C4B: variants seen among roughly 807,000 people sequenced by gnomAD.
The protein encoded by C4B is complement C4B (Chido/Rodgers blood group), also known as complement C4-B.
Under a neutral mutation model 46.2 loss-of-function variants are expected in C4B, and 6 were observed. That is an observed-to-expected ratio of 0.13 (90% confidence interval 0.07 to 0.26). C4B has a LOEUF of 0.26. Ranked by LOEUF, C4B falls within the 10% of genes least tolerant of loss-of-function variation. The probability of loss-of-function intolerance (pLI) is 1.00; values close to 1 mark genes in which losing one functional copy is unlikely to be tolerated. For synonymous variants in C4B, 61 were observed against 240.1 expected (o/e 0.25, Z 6.90); for missense variants, 119 against 560.9 (o/e 0.21, Z 7.96).
In C4B at chr6:32,028,996, A is replaced by G. The variant is rs781626894; in HGVS notation, c.3439A>G (p.Ile1147Val). The G allele has an allele frequency of 3.7e-4, 572 of 1,552,536 alleles. 54 individuals are homozygous for G. Among genetic ancestry groups the G allele is most frequent in the Non-Finnish European group, 4.7e-4 (531 of 1,134,298 alleles). Reference protein sequence around the residue: ...ETVALTAFVTIALHHGLAVFQ... With the variant: ...ETVALTAFVTVALHHGLAVFQ... ...TGTGGCACTCACAGCCTTTGTGACC[A>G]TCGCCCTTCATCATGGGCTGGCCGT... Residue 1147 changes from isoleucine to valine, a missense_variant, in exon 27 of 41, where the codon ATC becomes GTC. Ile to Val is a conservative substitution (Grantham distance 29). Coordinates refer to ENST00000435363, the MANE Select transcript of C4B (RefSeq NM_001002029.4).
At chr6:32,028,896 C>T (rs1426198222) in intron 26 of C4B, 47 bp downstream of exon 26, 1 of 1,566,036 alleles carries the variant, frequency 6.4e-7, no homozygotes, top group South Asian at 1.1e-5. Flanking sequence ...TCGGAGGACT[C>T]TCTTTGCCCC....
rs1224496334 is a variant in C4B at position 32,029,338 on chromosome 6, G to A, written c.3676G>A (p.Asp1226Asn). 1 of 1,537,154 alleles carries A rather than the reference G, an allele frequency of 6.5e-7. No individual in the cohort carries two copies. The highest frequency in any genetic ancestry group is 1.4e-5 in the African/African-American group (1 of 70,632). ...CATGGCAATGGCCCAGGAGACTGGA[G>A]GTGAGGGGTGAGGGGCTCTGGCAGT... ...NLMAMAQETGDNLYWGSVTGS... is the reference protein window; with the variant it reads ...NLMAMAQETGNNLYWGSVTGS... The change falls in exon 28 of 41, where the codon GAT becomes AAT. Residue 1226 changes from aspartate to asparagine, a missense_variant and splice_region_variant. Coordinates refer to ENST00000435363, the MANE Select transcript of C4B (RefSeq NM_001002029.4).
Position 32,029,203 on chromosome 6 carries a change from G to A in C4B, c.3541G>A (p.Glu1181Lys), listed in dbSNP as rs377040792. 9 of 1,591,892 alleles carry A rather than the reference G, an allele frequency of 5.7e-6. No homozygotes were observed. The highest frequency in any genetic ancestry group is 2.2e-5 in the East Asian group (1 of 44,642). Residue 1181 changes from glutamate to lysine, a missense_variant, in exon 28 of 41, where the codon GAG becomes AAG. Coordinates refer to ENST00000435363, the MANE Select transcript of C4B (RefSeq NM_001002029.4). ...SISKASSFLGEKASAGLLGAH... is the reference protein window; with the variant it reads ...SISKASSFLGKKASAGLLGAH... ...CTCAAAGGCAAGCTCATTTTTGGGGGAGAAAGCAAGTGCTGGGCTCCTGGG... is the reference window on the plus strand; with the variant it reads ...CTCAAAGGCAAGCTCATTTTTGGGGAAGAAAGCAAGTGCTGGGCTCCTGGG...
intron 27 of C4B, 27 bp downstream of exon 27, chr6:32,029,088 T>C (rs1775744577): frequency 6.4e-7 from 1 of 1,570,408 alleles, no homozygotes. Flanking sequence ...TTCTGCCCTC[T>C]GCTGGCCCCC....
At chr6:32,028,902 G>A in intron 26 of C4B, 43 bp from the exon 27 acceptor site, 1 of 1,565,480 alleles carries the variant, frequency 6.4e-7, no homozygotes, top group East Asian at 2.3e-5. Flanking sequence ...GACTCTCTTT[G>A]CCCCTTCCCC....
In C4B at chr6:32,029,272, A is replaced by G; in HGVS notation, c.3610A>G (p.Lys1204Glu). The change falls in exon 28 of 41, where the codon AAG becomes GAG. Residue 1204 changes from lysine (K) to glutamate (E), a missense_variant. Transcript: ENST00000435363. ...CACGGCCTATGCCCTGACACTGACC[A>G]AGGCCCCTGCGGACCTGCGGGGTGT... ...AITAYALTLT[K>E]APADLRGVAH... The G allele has an allele frequency of 6.4e-7, 1 of 1,567,428 alleles. No homozygotes were observed. The highest frequency in any genetic ancestry group is 8.7e-7 in the Non-Finnish European group (1 of 1,146,392).
At position 32,029,245 on chromosome 6, in the gene C4B, A is replaced by C; in HGVS notation, c.3583A>C (p.Ile1195Leu). Residue 1195 changes from isoleucine (I) to leucine (L), a missense_variant, in exon 28 of 41, where the codon ATC becomes CTC. By Grantham distance (5) the Ile-to-Leu change is conservative (BLOSUM62 2). Coordinates refer to ENST00000435363, the MANE Select transcript of C4B (RefSeq NM_001002029.4). Reference protein sequence around the residue: ...AGLLGAHAAAITAYALTLTKA... With the variant: ...AGLLGAHAAALTAYALTLTKA... ...GCTCCTGGGTGCCCACGCAGCTGCCATCACGGCCTATGCCCTGACACTGAC... is the reference window on the plus strand; with the variant it reads ...GCTCCTGGGTGCCCACGCAGCTGCCCTCACGGCCTATGCCCTGACACTGAC... The C allele has an allele frequency of 6.3e-7, 1 of 1,588,344 alleles. No homozygotes were observed. The highest frequency in any genetic ancestry group is 8.6e-7 in the Non-Finnish European group (1 of 1,160,922).
rs1362041232 is a variant in C4B, at chr6:32,029,372, G to A, written c.3676+34G>A. 8 of 1,541,926 alleles carry A rather than the reference G, an allele frequency of 5.2e-6. 1 individual carries two copies. In the Middle Eastern group the frequency reaches 5.1e-4, roughly 99 times the overall value. On this transcript the variant is annotated intron_variant, in intron 28 of 40. Transcript: ENST00000435363. Reference sequence around the variant, plus strand: ...TGAGGGGCTCTGGCAGTGAGCCTGAGGCCCAGGGGACCTTAGGATCCCTGA... The same window carrying A: ...TGAGGGGCTCTGGCAGTGAGCCTGAAGCCCAGGGGACCTTAGGATCCCTGA...
Position 32,028,880 on chromosome 6 carries a change from C to T in C4B, c.3387+31C>T, listed in dbSNP as rs760544899. The T allele has an allele frequency of 1.2e-5, 18 of 1,564,872 alleles. No individual in the cohort carries two copies. The Admixed American group carries it at 2.0e-4, about 18-fold the overall frequency. On this transcript the variant is annotated intron_variant, in intron 26 of 40. Coordinates refer to ENST00000435363, the MANE Select transcript of C4B (RefSeq NM_001002029.4). ...GGCATGCTGGGGCTGGCCCGAGAAGCGCCTGTCGGAGGACTCTCTTTGCCC... is the reference window on the plus strand; with the variant it reads ...GGCATGCTGGGGCTGGCCCGAGAAGTGCCTGTCGGAGGACTCTCTTTGCCC...
chr6:32,029,431 A>T (rs1181065664), intron 28 of C4B, 93 bp downstream of exon 28: 1 of 1,526,618 alleles, frequency 6.6e-7, no homozygotes, highest in African/African-American at 1.4e-5. Context: ...ATGAAGACTC[A>T]GAGGAGGAAT....
Position 32,028,847 on chromosome 6 carries a change from C to A in C4B, c.3385C>A (p.Gln1129Lys), listed in dbSNP as rs1286098216. ...DLSPVIHRSM[Q>K]GGLVGNDETV... The stretch of plus-strand genomic sequence containing the variant: ...CTCTCCAGTGATACATAGGAGCATG[C>A]AGGTGCGGGCATGCTGGGGCTGGCC... The change falls in exon 26 of 41, where the codon CAG becomes AAG. Residue 1129 changes from glutamine (Q) to lysine (K), a missense_variant and splice_region_variant. By Grantham distance (53) the Gln-to-Lys change is moderately conservative. Transcript: ENST00000435363. The A allele has an allele frequency of 6.4e-7, 1 of 1,562,754 alleles. No homozygotes were observed. Among genetic ancestry groups the A allele is most frequent in the African/African-American group, 1.4e-5 (1 of 71,568 alleles).
chr6:32,029,368 C>G, intron 28 of C4B, 30 bp downstream of exon 28: 1 of 1,542,928 alleles, frequency 6.5e-7, no homozygotes, highest in Non-Finnish European at 8.8e-7. Context: ...GGCAGTGAGC[C>G]TGAGGCCCAG....
At chr6:32,029,380 G>C in intron 28 of C4B, 42 bp downstream of exon 28, 1 of 1,544,304 alleles carries the variant, frequency 6.5e-7, no homozygotes, top group Non-Finnish European at 8.8e-7. Context: ...GAGGCCCAGG[G>C]GACCTTAGGA....
rs772729479 is a variant in C4B, at chr6:32,029,317, G to T, written c.3655G>T (p.Ala1219Ser). 2 of 1,563,382 alleles carry T rather than the reference G, an allele frequency of 1.3e-6. No individual in the cohort carries two copies. Among genetic ancestry groups the T allele is most frequent in the East Asian group, 2.3e-5 (1 of 43,814 alleles). Residue 1219 changes from alanine (A) to serine (S), a missense_variant, in exon 28 of 41, where the codon GCA (alanine) becomes TCA (serine). Ala to Ser is a moderately conservative substitution (Grantham distance 99). Transcript: ENST00000435363. ...GGGTGTTGCCCACAACAACCTCATG[G>T]CAATGGCCCAGGAGACTGGAGGTGA... ...LRGVAHNNLM[A>S]MAQETGDNLY...
At chr6:32,030,552 G>GGAGT in intron 31 of C4B, 51 bp downstream of exon 31, 1 of 326,540 alleles carries the variant, frequency 3.1e-6, no homozygotes, top group South Asian at 2.5e-5. Context: ...GAGAGGGTGT[G>GGAGT]GAGTGAGAGG....
rs1240308432 is a variant in C4B at position 32,028,795 on chromosome 6, G to A, written c.3333G>A (p.Gln1111=). 1 of 1,562,830 alleles carries A rather than the reference G, an allele frequency of 6.4e-7. No homozygotes were observed. The highest frequency in any genetic ancestry group is 8.7e-7 in the Non-Finnish European group (1 of 1,144,788). The part of the protein sequence containing the change: ...QETSNWLLSQ[Q]QADGSFQDLS... ...CATCTAACTGGCTTCTGTCCCAGCA[G>A]CAGGCTGACGGCTCGTTCCAGGACC... The change falls in exon 26 of 41, where the codon CAG becomes CAA. Residue 1111 remains glutamine (Q), a synonymous_variant. Coordinates refer to ENST00000435363, the MANE Select transcript of C4B (RefSeq NM_001002029.4).
Position 32,029,922 on chromosome 6 carries a change from T to TGCC in C4B, c.3952_3954dup (p.Ala1318dup), listed in dbSNP as rs1344776439. On this transcript the variant is annotated inframe_insertion, in exon 30 of 41. Transcript: ENST00000435363. ...TGGATGCCCTGTCTGCCTACTGGAT[T>TGCC]GCCTCCCACACCACTGAGGAGAGGG... is the stretch of plus-strand genomic sequence containing the variant. 6.4e-7 allele frequency: 1 copy of TGCC among 1,560,854 alleles called. No homozygotes were observed. Among genetic ancestry groups the TGCC allele is most frequent in the Non-Finnish European group, 8.7e-7 (1 of 1,143,880 alleles).
In C4B at chr6:32,028,986, C is replaced by T. The variant is rs1443287367; in HGVS notation, c.3429C>T (p.Ala1143=). 1.3e-6 allele frequency: 2 copies of T among 1,554,674 alleles called. No individual in the cohort carries two copies. Among genetic ancestry groups the T allele is most frequent in the Non-Finnish European group, 1.8e-6 (2 of 1,135,770 alleles). ...VGNDETVALT[A]FVTIALHHGL... ...ATGATGAGACTGTGGCACTCACAGCCTTTGTGACCATCGCCCTTCATCATG... is the reference window on the plus strand; with the variant it reads ...ATGATGAGACTGTGGCACTCACAGCTTTTGTGACCATCGCCCTTCATCATG... The change falls in exon 27 of 41, where the codon GCC becomes GCT. Residue 1143 remains alanine, a synonymous_variant. Coordinates refer to ENST00000435363, the MANE Select transcript of C4B (RefSeq NM_001002029.4).
Position 32,029,283 on chromosome 6 carries a change from G to T in C4B, c.3621G>T (p.Ala1207=), listed in dbSNP as rs758630615. 1.3e-6 allele frequency: 2 copies of T among 1,567,124 alleles called. No individual in the cohort carries two copies. Among genetic ancestry groups the T allele is most frequent in the Middle Eastern group, 3.4e-4 (2 of 5,960 alleles). The change falls in exon 28 of 41, where the codon GCG becomes GCT. Residue 1207 remains alanine, a synonymous_variant. Transcript: ENST00000435363. ...CCCTGACACTGACCAAGGCCCCTGC[G>T]GACCTGCGGGGTGTTGCCCACAACA... ...AYALTLTKAP[A]DLRGVAHNNL...
Sources: gnomAD v4.1 joint callset for allele counts on GRCh38, gnomAD v4.1.1 for gene constraint, MANE v1.5 for transcripts, NCBI Gene and HGNC (gene_info 2026-07-23, HGNC 2026-07-21) for gene names.